The following PROSER3 variants were observed in gnomAD, a reference collection of about 807,000 sequenced individuals.
The protein encoded by PROSER3 is proline and serine rich 3, also known as proline and serine-rich protein 3.
In PROSER3, 33 loss-of-function variants were observed where a neutral mutation model predicts 50.2. The observed-to-expected ratio is 0.66, with a 90% CI of 0.50 to 0.88. The LOEUF (loss-of-function observed/expected upper bound fraction) is 0.88. Ranked by LOEUF, PROSER3 falls within the 40% of genes least tolerant of loss-of-function variation. The pLI, the probability that PROSER3 is intolerant of heterozygous loss-of-function variation, is 0.00. For synonymous variants in PROSER3, 266 were observed against 259.3 expected (o/e 1.03, Z -0.25); for missense variants, 623 against 612.7 (o/e 1.02, Z -0.18).
Position 35,764,621 on chromosome 19 carries a change from A to G in PROSER3, c.544-233A>G, listed in dbSNP as rs151153626. ...CTGTGAGCCGAGATCGTGCCATTGC[A>G]CTCCAGCCTGGGCAACAAGTGAAAT... On this transcript the variant is annotated intron_variant, in intron 5 of 10. Transcript: ENST00000396908. Among the ~76,000 whole-genome samples the G allele has an allele frequency of 1.6e-3, 243 of 150,272 alleles. 1 individual carries two copies. Among genetic ancestry groups the G allele is most frequent in the African/African-American group, 5.6e-3 (227 of 40,806 alleles).
At chr19:35,759,287 T>C (rs1970874195) in intron 1 of PROSER3, 87 bp from the exon 2 acceptor site, 2 of 985,118 alleles carry the variant, frequency 2.0e-6, no homozygotes, top group Admixed American at 4.7e-5. Context: ...TCTATGGGAA[T>C]TGTCTGGTTC....
chr19:35,759,663 G>C, intron 2 of PROSER3, 126 bp from the exon 3 acceptor site: 1 of 1,064,726 alleles, frequency 9.4e-7, no homozygotes, highest in Non-Finnish European at 1.4e-6. Context: ...ATCACACTAG[G>C]TTGTTATCAT....
At chr19:35,767,539 C>T in intron 8 of PROSER3, 1 of 525,906 alleles carries the variant, frequency 1.9e-6, no homozygotes, top group Non-Finnish European at 3.4e-6. Flanking sequence ...AGCCTAAGAG[C>T]CTGGGGCCCA....
At position 35,766,864 on chromosome 19, in the gene PROSER3, A is replaced by G. The variant is rs1159408118; in HGVS notation, c.866A>G (p.Gln289Arg). 1.9e-6 allele frequency: 3 copies of G among 1,551,676 alleles called. No individual in the cohort carries two copies. The East Asian group carries it at 7.3e-5, about 38-fold the overall frequency. Reference sequence around the variant, plus strand: ...CGGCCAGAGGATGACATTCTGTACCAGTGGCGGCAGCGGCGGAAGCTTGAA... The same window carrying G: ...CGGCCAGAGGATGACATTCTGTACCGGTGGCGGCAGCGGCGGAAGCTTGAA... Residue 289 changes from glutamine to arginine, a missense_variant, in exon 8 of 11, where the codon CAG becomes CGG. Physicochemically the swap from Gln to Arg is conservative, Grantham distance 43. This residue lies in a region of PROSER3 where 380 missense variants were observed against 346.8 expected (regional missense o/e 1.10). Transcript: ENST00000396908.
intron 3 of PROSER3, 97 bp from the exon 4 acceptor site, chr19:35,761,922 C>T (rs889564800): frequency 7.5e-6 from 10 of 1,342,272 alleles, no homozygotes; most frequent in African/African-American, 1.5e-5. Context: ...CTACCAGGCT[C>T]TGCCATGGTG....
At position 35,768,214 on chromosome 19, in the gene PROSER3, G is replaced by A. The variant is rs75802152; in HGVS notation, c.1279G>A (p.Ala427Thr). Residue 427 changes from alanine (A) to threonine (T), a missense_variant, in exon 10 of 11, where the codon GCA becomes ACA. Ala to Thr is a moderately conservative substitution (Grantham distance 58). This residue lies in a region of PROSER3 where 380 missense variants were observed against 346.8 expected (regional missense o/e 1.10). Coordinates refer to ENST00000396908, the Ensembl canonical transcript of PROSER3. ...GCTGCAGGTGCTAAGAGCCCATAGG[G>A]CAGAGCTGAGTCGGCAGAAAAGGTG... is the stretch of plus-strand genomic sequence containing the variant. The A allele has an allele frequency of 3.6e-3, 5,861 of 1,613,244 alleles. 310 individuals are homozygous for A. The East Asian group carries it at 0.12, about 32-fold the overall frequency.
chr19:35,770,978 TTGTA>T (rs1159325925), downstream of PROSER3: 3 of 152,064 alleles, frequency 2.0e-5, no homozygotes, highest in Admixed American at 6.6e-5. Flanking sequence ...GTGAATTTCA[TTGTA>T]TGTAAAGTTT....
At chr19:35,771,028 AC>A (rs1737311940), downstream of PROSER3, 1 of 152,190 alleles carries the variant, frequency 6.6e-6, no homozygotes, top group Non-Finnish European at 1.5e-5. Flanking sequence ...AGTTAAAGAT[AC>A]GCCTGTAATC....
At chr19:35,763,287 C>T (rs922397092) in intron 5 of PROSER3, among the ~76,000 whole-genome samples, 25 of 151,722 alleles carry the variant, frequency 1.6e-4, no homozygotes, top group African/African-American at 6.1e-4. Flanking sequence ...CTGCAACCTC[C>T]GCCTCTCGGG....
intron 7 of PROSER3, among the ~76,000 whole-genome samples, chr19:35,765,447 G>A (rs1007398117): frequency 2.0e-5 from 3 of 152,128 alleles, no homozygotes; most frequent in Admixed American, 6.5e-5. Context: ...GTGCATAGTG[G>A]TGCATGCCTG....
intron 2 of PROSER3, 148 bp from the exon 3 acceptor site, chr19:35,759,641 A>T: frequency 1.0e-6 from 1 of 986,752 alleles, no homozygotes; most frequent in South Asian, 1.6e-5. Flanking sequence ...TGGATTCCCC[A>T]TCTGAGCCCC....
At chr19:35,759,851 A>G in exon 3 of PROSER3, 1 of 1,579,690 alleles carries the variant, frequency 6.3e-7, no homozygotes. Context: ...CTCTAGCCAC[A>G]GGTCCCAACT....
At chr19:35,767,527 C>T (rs1449071847) in intron 8 of PROSER3, 3 of 496,336 alleles carry the variant, frequency 6.0e-6, no homozygotes, top group Non-Finnish European at 1.1e-5. Flanking sequence ...GCAGCTGTGC[C>T]CAGCCTAAGA....
At chr19:35,764,302 A>G (rs1008466236) in intron 5 of PROSER3, among the ~76,000 whole-genome samples, 1 of 152,164 alleles carries the variant, frequency 6.6e-6, no homozygotes, top group Non-Finnish European at 1.5e-5. Flanking sequence ...GAATGCTCTG[A>G]TGAAGCAGCT....
At chr19:35,768,103 A>G (rs1347277263) in intron 9 of PROSER3, 38 bp downstream of exon 9, 2 of 1,596,030 alleles carry the variant, frequency 1.3e-6, no homozygotes, top group Admixed American at 1.7e-5. Flanking sequence ...GAGGCAGGCC[A>G]GCCCCCTAAG....
intron 7 of PROSER3, among the ~76,000 whole-genome samples, chr19:35,765,391 G>A (rs1036085978): frequency 1.3e-5 from 2 of 152,018 alleles, no homozygotes; most frequent in Non-Finnish European, 1.5e-5. Context: ...GGCGAAACCC[G>A]GTATCTACTA....
rs535493670 is a variant in PROSER3 at position 35,759,956 on chromosome 19, C to T, written c.276C>T (p.Pro92=). Residue 92 remains proline (P), a synonymous_variant, in exon 3 of 11, where the codon CCC becomes CCT. Coordinates refer to ENST00000396908, the Ensembl canonical transcript of PROSER3. ...GACAGATGTGGGCCTCCCCAGCACC[C>T]ACCCTGATTGACAGCGGGGACTCCG... The T allele has an allele frequency of 3.5e-5, 56 of 1,605,022 alleles. 1 individual carries two copies. In the South Asian group the frequency reaches 4.9e-4, roughly 14 times the overall value.
exon 11 of PROSER3, chr19:35,768,416 C>G: frequency 1.3e-6 from 2 of 1,596,860 alleles, no homozygotes; most frequent in Non-Finnish European, 1.7e-6. Context: ...AAGCGGATGC[C>G]CGATTATCGT....
exon 3 of PROSER3, chr19:35,759,799 C>CATCCAGGTCTCAGAG: frequency 6.4e-7 from 1 of 1,562,290 alleles, no homozygotes; most frequent in Non-Finnish European, 8.7e-7. Flanking sequence ...ACCCTGAGCC[C>CATCCAGGTCTCAGAG]ATCCAGGTCT....
Sources: allele counts gnomAD v4.1 joint callset (sites outside exome capture counted in the v4.1 genomes callset), GRCh38; gene constraint gnomAD v4.1.1; regional missense constraint gnomAD v4.1.1; transcripts MANE v1.5; gene names NCBI Gene and HGNC (gene_info 2026-07-23, HGNC 2026-07-21).